Variants in DLC1 observed in about 807,000 individuals in gnomAD.
DLC1 encodes the protein DLC1 Rho GTPase activating protein, also known as rho GTPase-activating protein 7.
In DLC1, 54 loss-of-function variants were observed where a neutral mutation model predicts 140.3. That is an observed-to-expected ratio of 0.38 (90% CI 0.31 to 0.48). DLC1 has a LOEUF of 0.48. Ranked by LOEUF, DLC1 falls within the 20% of genes least tolerant of loss-of-function variation. DLC1 has a pLI of 0.96. For synonymous variants in DLC1, 986 were observed against 728.1 expected, an observed-to-expected ratio of 1.35 and a Z score of -5.70; for missense variants, 2,536 against 1,907.0, an observed-to-expected ratio of 1.33 and a Z score of -6.14.
At chr8:13,438,440 C>G (rs1157092548) in intron 2 of DLC1, among the ~76,000 whole-genome samples, 2 of 152,086 alleles carry the variant, frequency 1.3e-5, no homozygotes, top group Non-Finnish European at 2.9e-5. Context: ...AAAAAAATAG[C>G]CAGAATGATC....
chr8:13,444,771 A>G (rs1040580722), intron 2 of DLC1, among the ~76,000 whole-genome samples: 2 of 152,198 alleles, frequency 1.3e-5, no homozygotes, highest in South Asian at 4.1e-4. Flanking sequence ...ATTCAGGATG[A>G]TGATTTTTAG....
intron 4 of DLC1, among the ~76,000 whole-genome samples, chr8:13,332,675 C>T (rs541525384): frequency 8.5e-5 from 13 of 152,184 alleles, no homozygotes; most frequent in East Asian, 5.8e-4. Flanking sequence ...TCAAGTGAAA[C>T]GCCCGACTTG....
chr8:13,166,543 G>A (rs1255806802), intron 5 of DLC1, among the ~76,000 whole-genome samples: 1 of 152,118 alleles, frequency 6.6e-6, no homozygotes, highest in Non-Finnish European at 1.5e-5. Context: ...GTTTCACCAT[G>A]TTGGCCAGGC....
chr8:13,276,562 G>T (rs1831178646), intron 5 of DLC1: 2 of 1,273,652 alleles, frequency 1.6e-6, no homozygotes, highest in Non-Finnish European at 2.0e-6. Context: ...CGGCCTCCTG[G>T]CCCGCGGCCA....
chr8:13,531,532 G>A (rs1308187202), intron 1 of DLC1, among the ~76,000 whole-genome samples: 2 of 152,166 alleles, frequency 1.3e-5, no homozygotes, highest in Non-Finnish European at 2.9e-5. Flanking sequence ...GTTGCAGTGA[G>A]CCAAGATCAC....
At chr8:13,600,178 C>A (rs1229934236) in intron 1 of DLC1, among the ~76,000 whole-genome samples, 4 of 151,830 alleles carry the variant, frequency 2.6e-5, no homozygotes, top group Admixed American at 2.0e-4. Flanking sequence ...TCTATTATTT[C>A]TTTGTGAATC....
At chr8:13,160,226 T>A (rs1002796575) in intron 5 of DLC1, 7 of 152,234 alleles carry the variant, frequency 4.6e-5, no homozygotes, top group Admixed American at 4.6e-4. Context: ...CACAACCAGT[T>A]ACAGATTTTT....
rs1798963224 is a variant in DLC1 at position 13,449,931 on chromosome 8, G to C, written c.1024-48312C>G. ...AGCAGTGGGGTTCTTATCTAATTGA[G>C]GAAAATTTTCAATTAGGTGATAGCT... On this transcript the variant is annotated intron_variant, in intron 2 of 17. Coordinates refer to ENST00000276297, the MANE Select transcript of DLC1 (RefSeq NM_182643.3). Among the ~76,000 whole-genome samples, 3 of 151,664 alleles carry C rather than the reference G, an allele frequency of 2.0e-5. No homozygotes were observed. The South Asian group carries it at 6.3e-4, about 32-fold the overall frequency.
intron 2 of DLC1, among the ~76,000 whole-genome samples, chr8:13,460,511 A>C (rs918287594): frequency 6.6e-6 from 1 of 152,340 alleles, no homozygotes; most frequent in East Asian, 1.9e-4. Context: ...AATATCTCCT[A>C]GGGTAGGATC....
rs1019085996 is a variant in DLC1 at position 13,085,711 on chromosome 8, C to G, written c.*100G>C. 6.5e-7 allele frequency: 1 copy of G among 1,531,686 alleles called. No homozygotes were observed. Among genetic ancestry groups the G allele is most frequent in the Non-Finnish European group, 8.8e-7 (1 of 1,138,690 alleles). The allele number at this position is 1,531,686 out of a possible 1,614,324, so 94.9% of individuals were successfully genotyped here. A position where few individuals can be genotyped will look rare whatever the true frequency, so the allele number is the denominator to read the frequency against. On this transcript the variant is annotated 3_prime_UTR_variant, in exon 18 of 18. Coordinates refer to ENST00000276297, the MANE Select transcript of DLC1 (RefSeq NM_182643.3). ...TTCCTACACTCCAGCTTGTAGTTTT[C>G]TTTGTTTCAGGATTAGACACAGAAC...
intron 1 of DLC1, chr8:13,559,132 C>A (rs1804155943): frequency 6.6e-6 from 1 of 152,206 alleles, no homozygotes; most frequent in Non-Finnish European, 1.5e-5. Context: ...AATATACGGG[C>A]TTCAAGTAAG....
chr8:13,474,623 C>T (rs1044164895), intron 2 of DLC1, among the ~76,000 whole-genome samples: 1 of 152,188 alleles, frequency 6.6e-6, no homozygotes, highest in African/African-American at 2.4e-5. Context: ...ACCTGCAAAG[C>T]CACATGGGCG....
intron 5 of DLC1, among the ~76,000 whole-genome samples, chr8:13,234,904 T>C (rs543217843): frequency 6.6e-6 from 1 of 152,186 alleles, no homozygotes; most frequent in African/African-American, 2.4e-5. Context: ...ATCGTATTAT[T>C]TTAAAAAGAA....
chr8:13,417,312 A>C lies in DLC1; in HGVS notation c.1024-15693T>G, dbSNP rs200855836. On this transcript the variant is annotated intron_variant, in intron 2 of 17. Transcript: ENST00000276297. ...CCATGCTGGTGTGCTGCACCCATTA[A>C]CTCGTCATTTAGCATTAGGTATATC... Among the ~76,000 whole-genome samples, 32 of 151,136 alleles carry C rather than the reference A, an allele frequency of 2.1e-4. No individual in the cohort carries two copies. The East Asian group carries it at 6.1e-3, about 29-fold the overall frequency.
chr8:13,334,444 C>G (rs1833736159), intron 4 of DLC1, among the ~76,000 whole-genome samples: 1 of 152,074 alleles, frequency 6.6e-6, no homozygotes, highest in Non-Finnish European at 1.5e-5. Flanking sequence ...AGAAGAGTAT[C>G]ATAAGTGGAT....
intron 2 of DLC1, among the ~76,000 whole-genome samples, chr8:13,445,140 C>G (rs1021769412): frequency 4.0e-5 from 6 of 151,656 alleles, no homozygotes; most frequent in African/African-American, 1.5e-4. Context: ...GAAGAGAGCA[C>G]AGAGGGAGGA....
At chr8:13,233,022 C>A (rs1359012256) in intron 5 of DLC1, among the ~76,000 whole-genome samples, 1 of 152,008 alleles carries the variant, frequency 6.6e-6, no homozygotes, top group Non-Finnish European at 1.5e-5. Context: ...TGGCTGGGTG[C>A]AGTGCCTCAT....
intron 5 of DLC1, among the ~76,000 whole-genome samples, chr8:13,215,804 C>T (rs906340429): frequency 2.0e-5 from 3 of 152,110 alleles, no homozygotes; most frequent in Admixed American, 1.3e-4. Flanking sequence ...ATATTTTTCA[C>T]TCGTAATCTT....
intron 4 of DLC1, among the ~76,000 whole-genome samples, chr8:13,378,435 A>T (rs1211185589): frequency 1.3e-5 from 2 of 151,988 alleles, no homozygotes; most frequent in Admixed American, 6.6e-5. Context: ...CCAAGAAGAG[A>T]TTAAGTATGT....
Sources: allele counts gnomAD v4.1 joint callset (sites outside exome capture counted in the v4.1 genomes callset), GRCh38; gene constraint gnomAD v4.1.1; transcripts MANE v1.5; gene names NCBI Gene and HGNC (gene_info 2026-07-23, HGNC 2026-07-21).